Variants in CSMD2 observed in about 807,000 individuals in gnomAD.
The protein encoded by CSMD2 is CUB and sushi domain-containing protein 2.
Under a neutral mutation model 398.5 loss-of-function variants are expected in CSMD2, and 130 were observed. That is an observed-to-expected ratio of 0.33 (90% CI 0.28 to 0.38). The LOEUF is 0.38. Among genes scored for constraint, CSMD2 ranks in the 10% least tolerant of loss-of-function variants. The probability of loss-of-function intolerance (pLI) is 1.00; values close to 1 mark genes in which losing one functional copy is unlikely to be tolerated. For synonymous variants in CSMD2, 1,828 were observed against 1,908.5 expected, an observed-to-expected ratio of 0.96 and a Z score of 1.10; for missense variants, 3,829 against 4,764.9, an observed-to-expected ratio of 0.80 and a Z score of 5.78.
In CSMD2 at chr1:34,164,819, G is replaced by A. The variant is rs1410044575; in HGVS notation, c.187+92C>T. The stretch of plus-strand genomic sequence containing the variant: ...AGATTCAGGCAGGGATAGAGGCGGG[G>A]GGAGGGACTGGGACCGGGTCGAGGA... On this transcript the variant is annotated intron_variant, in intron 1 of 70. Transcript: ENST00000373381. The surrounding 1 kb of genome is among the most constrained non-coding windows in gnomAD (Gnocchi z 6.2). 3 of 1,073,590 alleles carry A rather than the reference G, an allele frequency of 2.8e-6. No homozygotes were observed. Among genetic ancestry groups the A allele is most frequent in the South Asian group, 9.2e-5 (2 of 21,686 alleles). The allele number at this position is 1,073,590 out of a possible 1,614,324, so 66.5% of individuals were successfully genotyped here. A position where few individuals can be genotyped will look rare whatever the true frequency, so the allele number is the denominator to read the frequency against.
chr1:33,612,699 T>G (rs1360926093), intron 40 of CSMD2, among the ~76,000 whole-genome samples: 1 of 131,218 alleles, frequency 7.6e-6, no homozygotes, highest in Non-Finnish European at 1.6e-5. Flanking sequence ...TTTTTTTTTT[T>G]GAGACAGAGT....
chr1:33,788,676 G>A lies in CSMD2; in HGVS notation c.1587C>T (p.Ser529=). ...TGTSVPDLIV[S]TNHQMWLLFQ... ...AGAGGAGCCACATTTGATGATTGGTGCTGACAATGAGATCCGGGACCGATG... is the reference window on the plus strand; with the variant it reads ...AGAGGAGCCACATTTGATGATTGGTACTGACAATGAGATCCGGGACCGATG... Residue 529 remains serine, a synonymous_variant, in exon 12 of 71, where the codon AGC becomes AGT. Transcript: ENST00000373381. The A allele has an allele frequency of 3.1e-6, 5 of 1,613,798 alleles. No individual in the cohort carries two copies. Among genetic ancestry groups the A allele is most frequent in the Non-Finnish European group, 4.2e-6 (5 of 1,179,682 alleles).
intron 7 of CSMD2, 56 bp downstream of exon 7, chr1:33,825,641 G>A (rs559379835): frequency 3.1e-5 from 45 of 1,468,818 alleles, no homozygotes; most frequent in Non-Finnish European, 4.2e-5. Context: ...TTTAGTGCCT[G>A]CACGTGTGAC....
At chr1:34,066,387 G>A (rs1021901886) in intron 2 of CSMD2, among the ~76,000 whole-genome samples, 6 of 151,988 alleles carry the variant, frequency 3.9e-5, no homozygotes, top group Non-Finnish European at 2.9e-5. Context: ...CCTTTCCCTC[G>A]GAATTTCCTC....
chr1:33,781,155 G>A (rs1284846105), intron 12 of CSMD2, among the ~76,000 whole-genome samples: 1 of 152,192 alleles, frequency 6.6e-6, no homozygotes, highest in East Asian at 1.9e-4. Context: ...TCCCCAACTT[G>A]CTCTCAGACT....
intron 25 of CSMD2, among the ~76,000 whole-genome samples, chr1:33,690,221 C>T (rs1645192036): frequency 6.6e-6 from 1 of 152,180 alleles, no homozygotes; most frequent in Non-Finnish European, 1.5e-5. Context: ...CGCAGGTGAT[C>T]ATCCAGCTGC....
At chr1:34,043,225 T>C (rs1342448093) in intron 2 of CSMD2, among the ~76,000 whole-genome samples, 3 of 152,162 alleles carry the variant, frequency 2.0e-5, no homozygotes, top group Non-Finnish European at 4.4e-5. Context: ...TCTTATACTG[T>C]CCTTGAAGGT....
intron 3 of CSMD2, among the ~76,000 whole-genome samples, chr1:33,986,250 C>A (rs571737211): frequency 6.6e-6 from 1 of 152,212 alleles, no homozygotes; most frequent in Non-Finnish European, 1.5e-5. Flanking sequence ...TGCAGCAACA[C>A]CCTCCTACCT....
chr1:33,743,764 G>A (rs1435277137), intron 13 of CSMD2, among the ~76,000 whole-genome samples, 158 bp from the exon 14 acceptor site: 1 of 152,150 alleles, frequency 6.6e-6, no homozygotes, highest in Admixed American at 6.6e-5. Flanking sequence ...AGCTCCAGGT[G>A]GGGAGACATG....
intron 60 of CSMD2, among the ~76,000 whole-genome samples, chr1:33,538,463 TGTGTGC>T (rs1656011235): frequency 6.6e-6 from 1 of 152,160 alleles, no homozygotes; most frequent in Non-Finnish European, 1.5e-5. Context: ...GATGCAAATG[TGTGTGC>T]GTGTGCGTGT....
chr1:34,107,430 T>A (rs1056363286), intron 1 of CSMD2, among the ~76,000 whole-genome samples: 4 of 152,166 alleles, frequency 2.6e-5, no homozygotes, highest in Non-Finnish European at 5.9e-5. Flanking sequence ...ATATAATAAT[T>A]CATTCCATCC....
chr1:34,030,986 G>A (rs1650339339), intron 3 of CSMD2, among the ~76,000 whole-genome samples: 1 of 152,224 alleles, frequency 6.6e-6, no homozygotes, highest in South Asian at 2.1e-4. Context: ...TTCTCCTAGT[G>A]AGGAGCTTGT....
At chr1:34,126,050 A>T (rs1033672825) in intron 1 of CSMD2, among the ~76,000 whole-genome samples, 5 of 152,194 alleles carry the variant, frequency 3.3e-5, no homozygotes, top group African/African-American at 1.2e-4. Context: ...AGGGCATGGG[A>T]AGGCCAAGAG....
At chr1:33,879,394 A>G (rs1333064205) in intron 5 of CSMD2, among the ~76,000 whole-genome samples, 1 of 151,946 alleles carries the variant, frequency 6.6e-6, no homozygotes, top group African/African-American at 2.4e-5. Context: ...TTGCTCCCCC[A>G]TGGGCTAGCA....
intron 44 of CSMD2, chr1:33,592,634 C>T (rs1364865622): frequency 7.6e-6 from 5 of 653,636 alleles, no homozygotes; most frequent in Non-Finnish European, 8.5e-6. Context: ...TGCAACCTTC[C>T]TAATTGGATA....
intron 3 of CSMD2, among the ~76,000 whole-genome samples, chr1:33,955,934 T>C (rs1053751831): frequency 6.6e-6 from 1 of 152,118 alleles, no homozygotes; most frequent in Non-Finnish European, 1.5e-5. Flanking sequence ...CAGTGCATGA[T>C]GTAGGCTGAT....
At chr1:34,162,231 G>A (rs1390675315) in intron 1 of CSMD2, among the ~76,000 whole-genome samples, 1 of 151,250 alleles carries the variant, frequency 6.6e-6, no homozygotes, top group African/African-American at 2.4e-5. Flanking sequence ...GTAATTGGTG[G>A]GAAGTCTCCA....
rs1035997059 is a variant in CSMD2 at position 33,751,491 on chromosome 1, A to T, written c.1847-7885T>A. 1.1e-4 allele frequency among the ~76,000 whole-genome samples: 16 copies of T among 152,300 alleles called. 1 individual carries two copies. Among genetic ancestry groups the T allele is most frequent in the Non-Finnish European group, 5.9e-5 (4 of 68,024 alleles). Reference sequence around the variant, plus strand: ...GTGGTGGACTCAGAAATCAGAATGGAGTGGGGTAACAGGGTACTGGGAGGT... The same window carrying T: ...GTGGTGGACTCAGAAATCAGAATGGTGTGGGGTAACAGGGTACTGGGAGGT... On this transcript the variant is annotated intron_variant, in intron 13 of 70. Transcript: ENST00000373381.
intron 1 of CSMD2, among the ~76,000 whole-genome samples, chr1:34,162,779 AACCCAGGAGGCGG>A (rs1338141371): frequency 1.3e-5 from 2 of 152,140 alleles, no homozygotes; most frequent in African/African-American, 4.8e-5. Context: ...GAATCGCTTG[AACCCAGGAGGCGG>A]AGGTTGCAGT....
Sources: allele counts gnomAD v4.1 joint callset (sites outside exome capture counted in the v4.1 genomes callset), GRCh38; gene constraint gnomAD v4.1.1; non-coding constraint Gnocchi (gnomAD v3.1); transcripts MANE v1.5; gene names NCBI Gene and HGNC (gene_info 2026-07-23, HGNC 2026-07-21).